The following XPR1 variants were observed in gnomAD, a reference collection of about 807,000 sequenced individuals.
The protein encoded by XPR1 is xenotropic and polytropic retrovirus receptor 1.
XPR1 carries 28 observed loss-of-function variants against 87.5 expected under a neutral mutation model. That is an observed-to-expected ratio of 0.32 (90% CI 0.24 to 0.44). The LOEUF (loss-of-function observed/expected upper bound fraction) is 0.44. Ranked by LOEUF, XPR1 falls within the 20% of genes least tolerant of loss-of-function variation. XPR1 has a pLI of 1.00. For missense variants in XPR1, 559 were observed against 862.3 expected (o/e 0.65, Z 4.41); for synonymous variants, 300 against 306.1 (o/e 0.98, Z 0.21).
In XPR1 at chr1:180,803,398, A is replaced by G. The variant is rs145007911; in HGVS notation, c.234A>G (p.Ala78=). The G allele has an allele frequency of 1.2e-6, 2 of 1,613,880 alleles. No individual in the cohort carries two copies. The highest frequency in any genetic ancestry group is 1.7e-6 in the Non-Finnish European group (2 of 1,179,898). ...TTCTATTTCTTATAGAGAAGCTCGC[A>G]GAGGCTCAGCGCAGGTTTGCTACAC... The part of the protein sequence containing the change: ...KINTFYSEKL[A]EAQRRFATLQ... The change falls in exon 4 of 15, where the codon GCA becomes GCG. Residue 78 remains alanine (A), a synonymous_variant. Coordinates refer to ENST00000367590, the MANE Select transcript of XPR1 (RefSeq NM_004736.4).
chr1:180,829,417 T>TA (rs1650976162), intron 9 of XPR1, among the ~76,000 whole-genome samples: 1 of 152,130 alleles, frequency 6.6e-6, no homozygotes, highest in African/African-American at 2.4e-5. Context: ...AGGAGTGAGT[T>TA]ACAGAATTCT....
chr1:180,828,661 A>G (rs914866807), intron 9 of XPR1, among the ~76,000 whole-genome samples: 2 of 152,208 alleles, frequency 1.3e-5, no homozygotes, highest in South Asian at 4.1e-4. Flanking sequence ...TAATTTTAAA[A>G]ATAACCCACA....
chr1:180,878,956 A>G (rs1652753307), intron 13 of XPR1, among the ~76,000 whole-genome samples: 1 of 152,102 alleles, frequency 6.6e-6, no homozygotes, highest in South Asian at 2.1e-4. Flanking sequence ...TACTGTCTTT[A>G]TGCTATCTCC....
chr1:180,685,766 T>C (rs1283835408), intron 2 of XPR1, among the ~76,000 whole-genome samples: 1 of 152,222 alleles, frequency 6.6e-6, no homozygotes, highest in African/African-American at 2.4e-5. Context: ...TTTTCTAGTT[T>C]ATGTGCGTAG....
chr1:180,667,214 A>G (rs1483513527), intron 1 of XPR1, among the ~76,000 whole-genome samples: 1 of 152,112 alleles, frequency 6.6e-6, no homozygotes, highest in Non-Finnish European at 1.5e-5. Flanking sequence ...AGCCTGGTCA[A>G]ATTTCAGTCT....
chr1:180,850,673 C>A (rs1215748988), intron 11 of XPR1, among the ~76,000 whole-genome samples: 1 of 152,100 alleles, frequency 6.6e-6, no homozygotes, highest in Non-Finnish European at 1.5e-5. Context: ...TGTATAGAAT[C>A]CTGGCCAGGC....
intron 2 of XPR1, among the ~76,000 whole-genome samples, chr1:180,704,839 T>A (rs1445021992): frequency 1.4e-5 from 2 of 145,490 alleles, no homozygotes; most frequent in African/African-American, 2.5e-5. Flanking sequence ...TTTTTTTTTT[T>A]AAGTAATAAT....
intron 2 of XPR1, among the ~76,000 whole-genome samples, chr1:180,707,861 TA>T (rs1292445940): frequency 2.6e-5 from 4 of 152,246 alleles, no homozygotes; most frequent in Admixed American, 1.3e-4. Flanking sequence ...TATCCATTAC[TA>T]ATTTTTCTCA....
chr1:180,850,278 T>C (rs1048340797), intron 11 of XPR1, among the ~76,000 whole-genome samples: 3 of 152,236 alleles, frequency 2.0e-5, no homozygotes, highest in South Asian at 4.1e-4. Flanking sequence ...TATGTTTTAC[T>C]GGTGTAGAAT....
chr1:180,762,008 A>G (rs1174866570), intron 2 of XPR1, among the ~76,000 whole-genome samples: 1 of 151,850 alleles, frequency 6.6e-6, no homozygotes, highest in African/African-American at 2.4e-5. Context: ...ATTCTCAGCA[A>G]ACTATCGCAA....
chr1:180,657,411 T>G (rs540450327), intron 1 of XPR1, among the ~76,000 whole-genome samples: 5 of 152,240 alleles, frequency 3.3e-5, no homozygotes, highest in African/African-American at 1.2e-4. Context: ...TTTTAGTAGT[T>G]TCATAGGTTG....
chr1:180,718,694 A>C (rs1557972716), intron 2 of XPR1, among the ~76,000 whole-genome samples: 1 of 145,160 alleles, frequency 6.9e-6, no homozygotes, highest in Non-Finnish European at 1.5e-5. Flanking sequence ...TTTGAGACAG[A>C]GTCTCACTCT....
chr1:180,773,911 A>G (rs1377296575), intron 2 of XPR1, among the ~76,000 whole-genome samples: 1 of 152,216 alleles, frequency 6.6e-6, no homozygotes, highest in Non-Finnish European at 1.5e-5. Context: ...TAGAGATTTT[A>G]CCACTTGTCC....
chr1:180,664,209 C>G (rs1051388416), intron 1 of XPR1, among the ~76,000 whole-genome samples: 3 of 152,070 alleles, frequency 2.0e-5, no homozygotes, highest in African/African-American at 7.2e-5. Flanking sequence ...TGAAGTGGTC[C>G]CTCCTCATAG....
chr1:180,829,947 T>G (rs1224091109), intron 9 of XPR1, among the ~76,000 whole-genome samples: 1 of 152,076 alleles, frequency 6.6e-6, no homozygotes, highest in Non-Finnish European at 1.5e-5. Flanking sequence ...ATTAGCCAGG[T>G]TTTGAGGATG....
intron 2 of XPR1, among the ~76,000 whole-genome samples, chr1:180,728,345 TG>T (rs145715616): frequency 0.041 from 6,042 of 147,660 alleles, 475 homozygotes; most frequent in African/African-American, 0.14. Flanking sequence ...CTACAAGCTG[TG>T]GGCAGTGAGA....
intron 6 of XPR1, among the ~76,000 whole-genome samples, chr1:180,807,130 T>C (rs1021137948): frequency 1.3e-5 from 2 of 152,174 alleles, no homozygotes; most frequent in Non-Finnish European, 1.5e-5. Context: ...AAACACTGCA[T>C]GCTTTCTCCC....
intron 9 of XPR1, among the ~76,000 whole-genome samples, chr1:180,830,535 G>A (rs1175561624): frequency 6.6e-6 from 1 of 152,134 alleles, no homozygotes; most frequent in South Asian, 2.1e-4. Context: ...GACAGATCCA[G>A]CCAAGTCTGA....
chr1:180,841,968 G>C (rs1487234370), intron 11 of XPR1, among the ~76,000 whole-genome samples: 1 of 151,972 alleles, frequency 6.6e-6, no homozygotes, highest in Non-Finnish European at 1.5e-5. Flanking sequence ...CATGGGAAAT[G>C]GGAAAAATAA....
Sources: gnomAD v4.1 joint callset for allele counts (sites outside exome capture counted in the v4.1 genomes callset) on GRCh38, gnomAD v4.1.1 for gene constraint, MANE v1.5 for transcripts, NCBI Gene and HGNC (gene_info 2026-07-23, HGNC 2026-07-21) for gene names.